VTI1A: variants seen among roughly 807,000 people sequenced by gnomAD.
VTI1A encodes vesicle transport through interaction with t-SNAREs homolog 1A.
Under a neutral mutation model 34.9 loss-of-function variants are expected in VTI1A, and 22 were observed. The observed-to-expected ratio is 0.63, with a 90% confidence interval of 0.45 to 0.90. The LOEUF (loss-of-function observed/expected upper bound fraction) is 0.90. Ranked by LOEUF, VTI1A falls within the 40% of genes least tolerant of loss-of-function variation. The pLI is 0.00. For synonymous variants in VTI1A, 87 were observed against 97.3 expected, an observed-to-expected ratio of 0.89 and a Z score of 0.62; for missense variants, 268 against 275.6, an observed-to-expected ratio of 0.97 and a Z score of 0.20.
At chr10:112,851,376 T>C in the VTI1A span, among the ~76,000 whole-genome samples, 1 of 152,240 alleles carries the variant, frequency 6.6e-6, no homozygotes, top group Non-Finnish European at 1.5e-5. Context: ...ATATGTGTCA[T>C]ACTCATGGTA....
Position 112,464,506 on chromosome 10 carries a change from A to G in VTI1A, c.154-41A>G, listed in dbSNP as rs578045823. 1.6e-5 allele frequency: 24 copies of G among 1,527,704 alleles called. 1 individual carries two copies. In the South Asian group the frequency reaches 2.8e-4, roughly 18 times the overall value. The allele number at this position is 1,527,704 out of a possible 1,614,324, so 94.6% of individuals were successfully genotyped here. A position where few individuals can be genotyped will look rare whatever the true frequency, so the allele number is the denominator to read the frequency against. On this transcript the variant is annotated intron_variant, in intron 2 of 7. Transcript: ENST00000393077. The stretch of plus-strand genomic sequence containing the variant: ...CGTAAACATTTGTTCAAATAAGAAT[A>G]ACAGTGTGTTTTAAATCACATTTTT...
At chr10:112,518,312 T>G (rs1849862761) in intron 3 of VTI1A, among the ~76,000 whole-genome samples, 1 of 151,968 alleles carries the variant, frequency 6.6e-6, no homozygotes, top group African/African-American at 2.4e-5. Context: ...TCCCACAAGC[T>G]TAGCGTTCCA....
intron 7 of VTI1A, among the ~76,000 whole-genome samples, chr10:112,744,341 A>T (rs1039408162): frequency 1.3e-5 from 2 of 152,220 alleles, no homozygotes; most frequent in Non-Finnish European, 2.9e-5. Context: ...CTAGAAATTT[A>T]AAAATATTTC....
intron 6 of VTI1A, 145 bp downstream of exon 6, chr10:112,668,433 AG>A (rs1016966549): frequency 2.4e-5 from 20 of 837,946 alleles, no homozygotes; most frequent in Non-Finnish European, 3.3e-5. Context: ...GAAAAGGAAG[AG>A]GGTGAGATGG....
chr10:112,579,132 T>G (rs1417804631), intron 5 of VTI1A, among the ~76,000 whole-genome samples: 1 of 152,234 alleles, frequency 6.6e-6, no homozygotes, highest in Non-Finnish European at 1.5e-5. Context: ...CGTATCCCAG[T>G]ACCCTTGATG....
chr10:112,677,750 T>A (rs1848080140), intron 7 of VTI1A: 1 of 152,412 alleles, frequency 6.6e-6, no homozygotes, highest in Admixed American at 6.5e-5. Context: ...GGGCCCTTGA[T>A]AACCAGTTGA....
chr10:112,766,130 G>A (rs1377370230), intron 7 of VTI1A, among the ~76,000 whole-genome samples: 1 of 152,192 alleles, frequency 6.6e-6, no homozygotes, highest in Non-Finnish European at 1.5e-5. Flanking sequence ...CAGACCTATA[G>A]GTGTAGTAGC....
rs1229141246 is a variant in VTI1A, at chr10:112,618,518, T to TAGAGAGAGAG, written c.428-49699_428-49698insGAGAGAGAGA. 7.1e-3 allele frequency among the ~76,000 whole-genome samples: 337 copies of TAGAGAGAGAG among 47,414 alleles called. 2 individuals carry two copies. Among genetic ancestry groups the TAGAGAGAGAG allele is most frequent in the Non-Finnish European group, 8.7e-3 (258 of 29,600 alleles). The allele number at this position is 47,414 out of a possible 152,430, so 31.1% of individuals were successfully genotyped here. The stretch of plus-strand genomic sequence containing the variant: ...ATATATATATATATATATATATATA[T>TAGAGAGAGAG]ATATATAGAGAGAGAGAGAGAGAGA... On this transcript the variant is annotated intron_variant, in intron 5 of 7. Coordinates refer to ENST00000393077, the MANE Select transcript of VTI1A (RefSeq NM_145206.4).
intron 3 of VTI1A, among the ~76,000 whole-genome samples, chr10:112,515,238 C>G (rs1849735879): frequency 1.3e-5 from 2 of 151,626 alleles, no homozygotes; most frequent in South Asian, 2.1e-4. Flanking sequence ...GAAGGATTAG[C>G]TATAAAAGAT....
chr10:112,805,104 G>A (rs1001028531), intron 7 of VTI1A, among the ~76,000 whole-genome samples: 1 of 151,376 alleles, frequency 6.6e-6, no homozygotes, highest in Non-Finnish European at 1.5e-5. Flanking sequence ...GCCCTCAAGC[G>A]ATCCTCCCAC....
chr10:112,751,475 T>TAAAAAAAA (rs11411829), intron 7 of VTI1A, among the ~76,000 whole-genome samples: 2 of 100,994 alleles, frequency 2.0e-5, no homozygotes, highest in African/African-American at 7.6e-5. Flanking sequence ...ATTAACTGTT[T>TAAAAAAAA]AAAAAAAAAA....
At chr10:112,647,557 G>A (rs17585058) in intron 5 of VTI1A, among the ~76,000 whole-genome samples, 9,937 of 152,190 alleles carry the variant, frequency 0.065, 430 homozygotes, top group Admixed American at 0.11. Flanking sequence ...GTTGCTTTCC[G>A]TTTAACACAT....
At chr10:112,612,016 C>G (rs1845335167) in intron 5 of VTI1A, among the ~76,000 whole-genome samples, 1 of 152,058 alleles carries the variant, frequency 6.6e-6, no homozygotes, top group South Asian at 2.1e-4. Context: ...GCTGGGATTA[C>G]AGGCGTGAAC....
intron 2 of VTI1A, among the ~76,000 whole-genome samples, chr10:112,463,668 T>C (rs1176370063): frequency 1.3e-5 from 2 of 151,868 alleles, no homozygotes; most frequent in Non-Finnish European, 2.9e-5. Flanking sequence ...CATTAAGCTA[T>C]ATGTAATTTA....
downstream of VTI1A, chr10:112,823,596 G>A (rs1853693359): frequency 6.6e-6 from 1 of 152,156 alleles, no homozygotes; most frequent in Non-Finnish European, 1.5e-5. Context: ...TGGCTGATTT[G>A]GTCCTCCTCC....
the VTI1A span, among the ~76,000 whole-genome samples, chr10:112,832,709 T>C: frequency 1.3e-5 from 2 of 152,296 alleles, no homozygotes; most frequent in African/African-American, 4.8e-5. Context: ...ATCTCACTCA[T>C]TATAGGTGAG....
At chr10:112,536,613 C>T (rs979130504) in intron 4 of VTI1A, among the ~76,000 whole-genome samples, 7 of 151,376 alleles carry the variant, frequency 4.6e-5, no homozygotes. Context: ...AGGGAGGGGA[C>T]AATTTTTCTC....
chr10:112,627,355 T>C (rs58530142), intron 5 of VTI1A, among the ~76,000 whole-genome samples: 1,963 of 152,322 alleles, frequency 0.013, 45 homozygotes, highest in African/African-American at 0.043. Context: ...ACCAGACATA[T>C]TTTTAAAGTA....
At chr10:112,591,109 G>A (rs1844369544) in intron 5 of VTI1A, among the ~76,000 whole-genome samples, 1 of 151,946 alleles carries the variant, frequency 6.6e-6, no homozygotes, top group Non-Finnish European at 1.5e-5. Context: ...TCAAAAAAAA[G>A]AGAAAGAAAG....
Sources: gnomAD v4.1 joint callset for allele counts (sites outside exome capture counted in the v4.1 genomes callset) on GRCh38, gnomAD v4.1.1 for gene constraint, MANE v1.5 for transcripts, NCBI Gene and HGNC (gene_info 2026-07-23, HGNC 2026-07-21) for gene names.